The following MKNK1 variants were observed in gnomAD, a reference collection of about 807,000 sequenced individuals.
The protein encoded by MKNK1 is MAP kinase-interacting serine/threonine-protein kinase 1.
A neutral mutation model predicts 49.3 loss-of-function variants in MKNK1; 30 were observed. The ratio of observed to expected loss-of-function variants is 0.61; its 90% CI spans 0.46 to 0.83. The LOEUF (loss-of-function observed/expected upper bound fraction) is 0.83. MKNK1 is among the 40% of genes least tolerant of loss of function. MKNK1 has a pLI of 0.00. For missense variants in MKNK1, 423 were observed against 524.7 expected (o/e 0.81, Z 1.89); for synonymous variants, 176 against 201.7 (o/e 0.87, Z 1.08).
intron 1 of MKNK1, among the ~76,000 whole-genome samples, chr1:46,602,133 C>T (rs1046804069): frequency 6.6e-6 from 1 of 152,092 alleles, no homozygotes; most frequent in Non-Finnish European, 1.5e-5. Flanking sequence ...GAGATTTGGC[C>T]GGGCACGTTG....
At chr1:46,575,697 T>C (rs1354635683) in intron 5 of MKNK1, 1 of 152,236 alleles carries the variant, frequency 6.6e-6, no homozygotes, top group Non-Finnish European at 1.5e-5. Context: ...GTGGGCTTTT[T>C]TTCTTTTACA....
intron 2 of MKNK1, among the ~76,000 whole-genome samples, chr1:46,592,012 G>A (rs1042099929): frequency 2.5e-4 from 38 of 152,288 alleles, no homozygotes; most frequent in African/African-American, 9.1e-4. Flanking sequence ...GGCTGAGGTG[G>A]GCAGACCACC....
chr1:46,564,044 C>CAAAAAAAAAAAAAA (rs1217205121), intron 9 of MKNK1, among the ~76,000 whole-genome samples: 3 of 39,086 alleles, frequency 7.7e-5, no homozygotes, highest in African/African-American at 2.2e-4. Context: ...GACTCTGTCT[C>CAAAAAAAAAAAAAA]AAAAAAAAAA....
intron 6 of MKNK1, 47 bp downstream of exon 6, chr1:46,574,900 C>G (rs1316994789): frequency 1.6e-6 from 2 of 1,278,012 alleles, no homozygotes; most frequent in Admixed American, 3.8e-5. Context: ...ATGATCACCA[C>G]CCTGGGTCTT....
intron 8 of MKNK1, among the ~76,000 whole-genome samples, chr1:46,566,468 T>C (rs1021191392): frequency 3.3e-5 from 5 of 152,262 alleles, no homozygotes; most frequent in Non-Finnish European, 4.4e-5. Context: ...AATACTGCTA[T>C]ACAAGTATCT....
At chr1:46,560,209 G>A (rs528168814) in intron 12 of MKNK1, 25 bp downstream of exon 12, 1 of 1,613,466 alleles carries the variant, frequency 6.2e-7, no homozygotes, top group East Asian at 2.2e-5. Context: ...GAAGAGCATG[G>A]CGTGGGGGTG....
At chr1:46,601,623 C>T (rs1207583411) in intron 1 of MKNK1, among the ~76,000 whole-genome samples, 1 of 152,224 alleles carries the variant, frequency 6.6e-6, no homozygotes, top group African/African-American at 2.4e-5. Flanking sequence ...AATTCTTGTA[C>T]TTTCTTGTTT....
chr1:46,579,152 T>C (rs1020089308), intron 4 of MKNK1, among the ~76,000 whole-genome samples: 1 of 152,232 alleles, frequency 6.6e-6, no homozygotes, highest in Non-Finnish European at 1.5e-5. Flanking sequence ...CTTGTTACCA[T>C]GTGAAGCAAT....
chr1:46,561,463 C>T lies in MKNK1; in HGVS notation c.969+15G>A. On this transcript the variant is annotated intron_variant, in intron 11 of 12. Coordinates refer to ENST00000371945, the MANE Select transcript of MKNK1 (RefSeq NM_001135553.4). ...CCTGAAGTGGTGGAAAACACCCCTC[C>T]CTGGAGTCACTCACCCCCTGCACCC... 1 of 1,597,804 alleles carries T rather than the reference C, an allele frequency of 6.3e-7. No individual in the cohort carries two copies.
intron 2 of MKNK1, chr1:46,585,760 G>A (rs928876584): frequency 8.9e-6 from 5 of 563,016 alleles, no homozygotes; most frequent in Non-Finnish European, 1.4e-5. Context: ...TTTATACTTG[G>A]TCTTTACCAC....
intron 1 of MKNK1, among the ~76,000 whole-genome samples, chr1:46,598,207 C>T (rs1674318037): frequency 6.6e-6 from 1 of 152,156 alleles, no homozygotes; most frequent in South Asian, 2.1e-4. Context: ...TGTTATTGTA[C>T]TTTTGGCAAG....
intron 12 of MKNK1, chr1:46,559,708 G>C (rs1667596806): frequency 6.1e-6 from 1 of 164,296 alleles, no homozygotes; most frequent in Non-Finnish European, 1.3e-5. Flanking sequence ...GCAGTGGCGT[G>C]ATCGCAGCTC....
chr1:46,602,882 T>C lies in MKNK1; in HGVS notation c.-171+1303A>G, dbSNP rs56327178. 8.5e-3 allele frequency among the ~76,000 whole-genome samples: 1,297 copies of C among 152,286 alleles called. 21 individuals are homozygous for C. The highest frequency in any genetic ancestry group is 0.029 in the African/African-American group (1,198 of 41,538). ...GTAATTCAATTACTCTGGGACCACA[T>C]TACAGGAGACCACATGCACTTTCTA... On this transcript the variant is annotated intron_variant, in intron 1 of 12. Transcript: ENST00000371945.
chr1:46,562,624 C>T (rs1447519161), intron 10 of MKNK1, 25 bp downstream of exon 10: 12 of 1,547,134 alleles, frequency 7.8e-6, no homozygotes, highest in African/African-American at 2.7e-5. Flanking sequence ...AGGGTCTACG[C>T]AGTGCTCCCT....
intron 3 of MKNK1, chr1:46,582,704 GTC>G: frequency 2.8e-6 from 1 of 362,522 alleles, no homozygotes; most frequent in South Asian, 2.1e-5. Context: ...GTCAAAAAAT[GTC>G]TGATGACCCA....
chr1:46,593,983 C>T (rs1673712799), intron 2 of MKNK1, 130 bp downstream of exon 2: 1 of 685,804 alleles, frequency 1.5e-6, no homozygotes. Flanking sequence ...CAGGGCAGCT[C>T]CGCTATTCCT....
chr1:46,597,142 C>T (rs1469585409), intron 1 of MKNK1, among the ~76,000 whole-genome samples: 1 of 152,054 alleles, frequency 6.6e-6, no homozygotes, highest in African/African-American at 2.4e-5. Flanking sequence ...ATGGCCAGAC[C>T]AAACCTACAC....
chr1:46,596,544 A>G (rs1674091956), intron 1 of MKNK1, among the ~76,000 whole-genome samples: 1 of 152,216 alleles, frequency 6.6e-6, no homozygotes, highest in South Asian at 2.1e-4. Context: ...AGTAGAAAGC[A>G]CAGGGCTTTT....
At chr1:46,583,199 C>T (rs1438356935) in intron 3 of MKNK1, 29 bp downstream of exon 3, 1 of 1,581,976 alleles carries the variant, frequency 6.3e-7, no homozygotes, top group Admixed American at 1.7e-5. Context: ...AAGCTGCAGG[C>T]CCAGATATAG....
Sources: allele counts gnomAD v4.1 joint callset (sites outside exome capture counted in the v4.1 genomes callset), GRCh38; gene constraint gnomAD v4.1.1; transcripts MANE v1.5; gene names NCBI Gene and HGNC (gene_info 2026-07-23, HGNC 2026-07-21).